The following SNTG1 variants were observed in gnomAD, a reference collection of about 807,000 sequenced individuals.
The protein encoded by SNTG1 is syntrophin gamma 1, also known as gamma-1-syntrophin.
Under a neutral mutation model 74.7 loss-of-function variants are expected in SNTG1, and 39 were observed. The observed-to-expected ratio is 0.52, with a 90% CI of 0.40 to 0.68. The LOEUF is 0.68. Among genes scored for constraint, SNTG1 ranks in the 30% least tolerant of loss-of-function variants. The pLI is 0.00. For missense variants in SNTG1, 685 were observed against 609.5 expected (o/e 1.12, Z -1.30); for synonymous variants, 254 against 217.1 (o/e 1.17, Z -1.49).
At chr8:50,161,278 A>G (rs536381991) in intron 1 of SNTG1, among the ~76,000 whole-genome samples, 148 of 152,322 alleles carry the variant, frequency 9.7e-4, no homozygotes, top group African/African-American at 3.5e-3. Flanking sequence ...TGATTATGGA[A>G]ATCTAAGCAA....
intron 1 of SNTG1, among the ~76,000 whole-genome samples, chr8:50,117,426 A>T (rs1362885442): frequency 1.3e-5 from 2 of 152,140 alleles, no homozygotes; most frequent in African/African-American, 4.8e-5. Flanking sequence ...TCTAAGATTG[A>T]TTCCTGACAT....
At chr8:50,174,537 C>T (rs1163879497) in intron 2 of SNTG1, among the ~76,000 whole-genome samples, 2 of 152,144 alleles carry the variant, frequency 1.3e-5, no homozygotes, top group Non-Finnish European at 2.9e-5. Flanking sequence ...TTCCAAAGCA[C>T]ATTTTCCCCA....
At chr8:50,184,153 T>C (rs907478342) in intron 2 of SNTG1, among the ~76,000 whole-genome samples, 8 of 152,118 alleles carry the variant, frequency 5.3e-5, no homozygotes, top group African/African-American at 1.9e-4. Flanking sequence ...CAAATATGGT[T>C]ACATCTTTTT....
chr8:50,269,993 C>A lies in SNTG1; in HGVS notation c.-28+97358C>A, dbSNP rs541943610. 7.3e-3 allele frequency among the ~76,000 whole-genome samples: 1,111 copies of A among 152,178 alleles called. 8 individuals are homozygous for A. Among genetic ancestry groups the A allele is most frequent in the Middle Eastern group, 0.048 (14 of 294 alleles). ...ATGTGTTTTTAATTCTTGTTTAATC[C>A]TTTCTTTATCATTCCTTATGATTGA... is the stretch of plus-strand genomic sequence containing the variant. On this transcript the variant is annotated intron_variant, in intron 2 of 18. Transcript: ENST00000642720.
At chr8:50,790,574 G>A (rs28544954) in intron 18 of SNTG1, among the ~76,000 whole-genome samples, 13,986 of 151,812 alleles carry the variant, frequency 0.092, 1,893 homozygotes, top group African/African-American at 0.3. Context: ...TACATAAAAG[G>A]AATCGTTGAC....
chr8:50,093,199 A>C (rs1303213413), intron 1 of SNTG1, among the ~76,000 whole-genome samples: 1 of 152,144 alleles, frequency 6.6e-6, no homozygotes, highest in Admixed American at 6.6e-5. Flanking sequence ...ACATTAATAT[A>C]CATATCCAAA....
rs2095624403 is a variant in SNTG1 at position 50,770,540 on chromosome 8, TA to T, written c.1395+18435del. Among the ~76,000 whole-genome samples, 3 of 152,042 alleles carry T rather than the reference TA, an allele frequency of 2.0e-5. No individual in the cohort carries two copies. The South Asian group carries it at 6.2e-4, about 32-fold the overall frequency. On this transcript the variant is annotated intron_variant, in intron 18 of 18. Coordinates refer to ENST00000642720, the MANE Select transcript of SNTG1 (RefSeq NM_018967.5). ...GGGTGTGGGCTGGGCTTGCAGATTC[TA>T]AAAAAGCATAATCTCAAGAAGATCA...
intron 2 of SNTG1, among the ~76,000 whole-genome samples, chr8:50,301,117 C>A (rs542989419): frequency 4.4e-4 from 67 of 152,186 alleles, no homozygotes. Flanking sequence ...TAATATTTTT[C>A]ATCAACTGTG....
intron 9 of SNTG1, among the ~76,000 whole-genome samples, chr8:50,511,746 T>C (rs1335030488): frequency 1.3e-5 from 2 of 152,186 alleles, no homozygotes; most frequent in Non-Finnish European, 2.9e-5. Context: ...ACCTCTGCCT[T>C]TTTTTGTTTT....
intron 1 of SNTG1, among the ~76,000 whole-genome samples, chr8:50,032,788 A>G (rs182381104): frequency 2.0e-5 from 3 of 152,272 alleles, no homozygotes; most frequent in African/African-American, 7.2e-5. Flanking sequence ...AACACTATAC[A>G]TATATTTTTT....
At chr8:50,491,990 A>C (rs1343190156) in intron 8 of SNTG1, among the ~76,000 whole-genome samples, 1 of 147,870 alleles carries the variant, frequency 6.8e-6, no homozygotes, top group South Asian at 2.1e-4. Flanking sequence ...GCAGTGTTTC[A>C]TTTTCTCTTC....
chr8:50,227,921 C>CA (rs60255876), intron 2 of SNTG1, among the ~76,000 whole-genome samples: 2,347 of 136,162 alleles, frequency 0.017, 73 homozygotes, highest in African/African-American at 0.044. Flanking sequence ...AAACAACAAC[C>CA]AAAAAAAAAA....
intron 2 of SNTG1, among the ~76,000 whole-genome samples, chr8:50,276,056 C>T (rs2088081295): frequency 6.6e-6 from 1 of 152,088 alleles, no homozygotes; most frequent in African/African-American, 2.4e-5. Context: ...AATTTTGAAT[C>T]TCTACATATT....
intron 12 of SNTG1, among the ~76,000 whole-genome samples, chr8:50,583,815 C>A (rs2094628396): frequency 6.7e-6 from 1 of 150,318 alleles, no homozygotes; most frequent in Non-Finnish European, 1.5e-5. Context: ...GGTACATGTG[C>A]ACAACATGCA....
intron 1 of SNTG1, among the ~76,000 whole-genome samples, chr8:50,103,237 G>A (rs1404144106): frequency 2.0e-5 from 3 of 152,058 alleles, no homozygotes; most frequent in Admixed American, 1.3e-4. Context: ...TTATTTCATT[G>A]AGCAGTGGTT....
At chr8:50,190,557 G>T (rs898293473) in intron 2 of SNTG1, among the ~76,000 whole-genome samples, 3 of 152,114 alleles carry the variant, frequency 2.0e-5, no homozygotes, top group Non-Finnish European at 4.4e-5. Flanking sequence ...TAATTAGCAT[G>T]CCATAAATCA....
chr8:50,402,583 A>G (rs1055107434), intron 4 of SNTG1, among the ~76,000 whole-genome samples: 2 of 152,116 alleles, frequency 1.3e-5, no homozygotes, highest in African/African-American at 4.8e-5. Context: ...AGCTGTCATC[A>G]TATGATGGGA....
chr8:50,660,426 G>GAAAGAAAGA (rs373288755), intron 15 of SNTG1, among the ~76,000 whole-genome samples: 9 of 72,846 alleles, frequency 1.2e-4, no homozygotes, highest in Admixed American at 3.2e-4. Flanking sequence ...AAGAAAGAAA[G>GAAAGAAAGA]AAGAAAGAAA....
At chr8:50,229,052 A>C (rs1157474608) in intron 2 of SNTG1, among the ~76,000 whole-genome samples, 3 of 151,634 alleles carry the variant, frequency 2.0e-5, no homozygotes, top group African/African-American at 2.4e-5. Context: ...AAAGTGGTTT[A>C]TTGTTATTTG....
Sources: allele counts gnomAD v4.1 joint callset (sites outside exome capture counted in the v4.1 genomes callset), GRCh38; gene constraint gnomAD v4.1.1; transcripts MANE v1.5; gene names NCBI Gene and HGNC (gene_info 2026-07-23, HGNC 2026-07-21).